XYLT1: variants seen among roughly 807,000 people sequenced by gnomAD.
The protein encoded by XYLT1 is beta-D-xylosyltransferase 1.
XYLT1 carries 36 observed loss-of-function variants against 91.3 expected under a neutral mutation model. That is an observed-to-expected ratio of 0.39 (90% CI 0.30 to 0.52). The LOEUF (loss-of-function observed/expected upper bound fraction) is 0.52. Ranked by LOEUF, XYLT1 falls within the 20% of genes least tolerant of loss-of-function variation. The pLI is 0.68. For missense variants in XYLT1, 1,242 were observed against 1,284.5 expected, an observed-to-expected ratio of 0.97 and a Z score of 0.51; for synonymous variants, 588 against 532.0, an observed-to-expected ratio of 1.11 and a Z score of -1.45.
chr16:17,281,359 C>A (rs1041494865), intron 2 of XYLT1, among the ~76,000 whole-genome samples: 1 of 152,158 alleles, frequency 6.6e-6, no homozygotes, highest in African/African-American at 2.4e-5. Context: ...GGGGTTGTGA[C>A]ACTGCTTGGC....
At chr16:17,428,451 G>A (rs1265529827) in intron 1 of XYLT1, among the ~76,000 whole-genome samples, 2 of 152,186 alleles carry the variant, frequency 1.3e-5, no homozygotes, top group Admixed American at 1.3e-4. Context: ...GCCAGGCTGA[G>A]GGGCTGTTGA....
At chr16:17,408,637 G>T (rs1314840491) in intron 1 of XYLT1, among the ~76,000 whole-genome samples, 1 of 152,218 alleles carries the variant, frequency 6.6e-6, no homozygotes, top group Non-Finnish European at 1.5e-5. Context: ...CCTGAAGTCA[G>T]GAGTTTGAGA....
At chr16:17,208,763 C>G (rs906676580) in intron 3 of XYLT1, among the ~76,000 whole-genome samples, 3 of 152,112 alleles carry the variant, frequency 2.0e-5, no homozygotes, top group African/African-American at 7.2e-5. Context: ...ATCTCACTGT[C>G]ACCCAGGCTG....
intron 1 of XYLT1, among the ~76,000 whole-genome samples, chr16:17,450,458 A>G (rs2036652355): frequency 6.6e-6 from 1 of 152,224 alleles, no homozygotes; most frequent in Non-Finnish European, 1.5e-5. Context: ...CAATCACACC[A>G]AAACAGCCAC....
intron 3 of XYLT1, among the ~76,000 whole-genome samples, chr16:17,252,858 T>G (rs904527431): frequency 6.6e-6 from 1 of 152,182 alleles, no homozygotes; most frequent in Non-Finnish European, 1.5e-5. Flanking sequence ...ATATTCAACT[T>G]CCAGCACACT....
At chr16:17,226,031 G>A (rs1247212745) in intron 3 of XYLT1, among the ~76,000 whole-genome samples, 1 of 148,088 alleles carries the variant, frequency 6.8e-6, no homozygotes, top group South Asian at 2.1e-4. Flanking sequence ...TGAGGTAGTG[G>A]GTTTGAAGGG....
intron 2 of XYLT1, among the ~76,000 whole-genome samples, chr16:17,352,421 G>A (rs2035234700): frequency 1.3e-5 from 2 of 152,044 alleles, no homozygotes; most frequent in Admixed American, 6.6e-5. Context: ...TTTCTCCCCT[G>A]CCTGATAAAG....
At chr16:17,237,274 T>A (rs1417447920) in intron 3 of XYLT1, among the ~76,000 whole-genome samples, 2 of 152,144 alleles carry the variant, frequency 1.3e-5, no homozygotes. Flanking sequence ...TTTTTCAGTA[T>A]TTTTTCCCCA....
chr16:17,286,044 G>A (rs2034136416), intron 2 of XYLT1, among the ~76,000 whole-genome samples: 2 of 152,090 alleles, frequency 1.3e-5, no homozygotes, highest in Admixed American at 1.3e-4. Context: ...GGGCCCACGT[G>A]CCTCTCTGCT....
Position 17,239,193 on chromosome 16 carries a change from C to T in XYLT1, c.913+19795G>A, listed in dbSNP as rs139904689. Among the ~76,000 whole-genome samples the T allele has an allele frequency of 2.8e-3, 428 of 150,908 alleles. 5 individuals carry two copies. Among genetic ancestry groups the T allele is most frequent in the Non-Finnish European group, 1.7e-3 (112 of 67,690 alleles). On this transcript the variant is annotated intron_variant, in intron 3 of 11. Coordinates refer to ENST00000261381, the MANE Select transcript of XYLT1 (RefSeq NM_022166.4). The stretch of plus-strand genomic sequence containing the variant: ...ACTCTTCACTTGCAGACTTGGACCC[C>T]TGTAATTCATCCATCCATCCATCCA...
chr16:17,158,900 G>T lies in XYLT1; in HGVS notation c.1299C>A (p.Asp433Glu), dbSNP rs147074504. The change falls in exon 6 of 12, where the codon GAC (aspartate) becomes GAA (glutamate). Residue 433 changes from aspartate (D) to glutamate (E), a missense_variant. By Grantham distance (45) the Asp-to-Glu change is conservative. Transcript: ENST00000261381. ...ATCGGGAGAGAAACGCCACCAACTG[G>T]TCATTTGTCCTGTGGAAACAAACCA... ...SAADYPIRTN[D>E]QLVAFLSRYR... 148 of 1,614,060 alleles carry T rather than the reference G, an allele frequency of 9.2e-5. No homozygotes were observed. The African/African-American group carries it at 1.6e-3, about 18-fold the overall frequency.
At chr16:17,317,064 C>T (rs112346964) in intron 2 of XYLT1, among the ~76,000 whole-genome samples, 9,187 of 151,574 alleles carry the variant, frequency 0.061, 399 homozygotes, top group Middle Eastern at 0.095. Context: ...CCTCGTGATC[C>T]GCCCGCCTCG....
chr16:17,125,135 G>C (rs2030213592), intron 10 of XYLT1, among the ~76,000 whole-genome samples: 1 of 152,146 alleles, frequency 6.6e-6, no homozygotes, highest in African/African-American at 2.4e-5. Flanking sequence ...GAGCTAGTGT[G>C]ATCTTTTGGG....
At chr16:17,295,175 G>A (rs2034291231) in intron 2 of XYLT1, among the ~76,000 whole-genome samples, 1 of 152,148 alleles carries the variant, frequency 6.6e-6, no homozygotes, top group African/African-American at 2.4e-5. Flanking sequence ...TTCGGGGACA[G>A]GGAAACTGCT....
At chr16:17,111,128 C>A (rs889601499) in intron 11 of XYLT1, among the ~76,000 whole-genome samples, 1 of 152,112 alleles carries the variant, frequency 6.6e-6, no homozygotes, top group Non-Finnish European at 1.5e-5. Context: ...CCATTGCACT[C>A]CAGCCTGGTC....
rs371389911 is a variant in XYLT1 at position 17,318,163 on chromosome 16, C to T, written c.402+39849G>A. 7.9e-5 allele frequency among the ~76,000 whole-genome samples: 12 copies of T among 152,268 alleles called. No individual in the cohort carries two copies. In the South Asian group the frequency reaches 1.0e-3, roughly 13 times the overall value. ...GATTCCCAGTATATCTAATGCCTGA[C>T]GTGATACCAACACATAGCGGATGCT... On this transcript the variant is annotated intron_variant, in intron 2 of 11. Coordinates refer to ENST00000261381, the MANE Select transcript of XYLT1 (RefSeq NM_022166.4).
intron 1 of XYLT1, among the ~76,000 whole-genome samples, chr16:17,397,453 C>T (rs1192742553): frequency 6.6e-6 from 1 of 152,132 alleles, no homozygotes; most frequent in Admixed American, 6.5e-5. Context: ...CTATTAAAAA[C>T]TCTGACGATC....
chr16:17,459,408 G>A (rs1297923045), intron 1 of XYLT1, among the ~76,000 whole-genome samples: 1 of 152,264 alleles, frequency 6.6e-6, no homozygotes, highest in East Asian at 1.9e-4. Flanking sequence ...GTGAATAAAT[G>A]TTGTACAGAT....
intron 1 of XYLT1, among the ~76,000 whole-genome samples, chr16:17,435,513 T>C (rs1009973561): frequency 6.6e-6 from 1 of 152,082 alleles, no homozygotes; most frequent in Admixed American, 6.5e-5. Flanking sequence ...TGAGGGCCCT[T>C]TGGGCTATTT....
Sources: gnomAD v4.1 joint callset for allele counts (sites outside exome capture counted in the v4.1 genomes callset) on GRCh38, gnomAD v4.1.1 for gene constraint, MANE v1.5 for transcripts, NCBI Gene and HGNC (gene_info 2026-07-23, HGNC 2026-07-21) for gene names.